Variants in PTPRD observed in about 807,000 individuals in gnomAD.
The protein encoded by PTPRD is receptor-type tyrosine-protein phosphatase delta.
Under a neutral mutation model 214.5 loss-of-function variants are expected in PTPRD, and 34 were observed. The ratio of observed to expected loss-of-function variants is 0.16; its 90% CI spans 0.12 to 0.21. The LOEUF is 0.21. Ranked by LOEUF, PTPRD falls within the 10% of genes least tolerant of loss-of-function variation. The pLI is 1.00. For synonymous variants in PTPRD, 1,128 were observed against 845.7 expected, an observed-to-expected ratio of 1.33 and a Z score of -5.79; for missense variants, 2,545 against 2,398.7, an observed-to-expected ratio of 1.06 and a Z score of -1.27.
At chr9:9,544,888 C>T (rs2078416172) in intron 8 of PTPRD, among the ~76,000 whole-genome samples, 1 of 148,172 alleles carries the variant, frequency 6.7e-6, no homozygotes, top group African/African-American at 2.4e-5. Context: ...TAGCCGATAG[C>T]CCACATTTCT....
intron 35 of PTPRD, among the ~76,000 whole-genome samples, chr9:8,407,246 G>C (rs1198688540): frequency 3.3e-5 from 5 of 152,096 alleles, no homozygotes; most frequent in African/African-American, 9.7e-5. Context: ...TACGTGCTAG[G>C]TCATTATGCT....
Position 8,635,174 on chromosome 9 carries a change from A to AC in PTPRD, c.210+1524dup, listed in dbSNP as rs1564868720. 3.3e-5 allele frequency among the ~76,000 whole-genome samples: 5 copies of AC among 150,524 alleles called. No homozygotes were observed. In the East Asian group the frequency reaches 5.8e-4, roughly 18 times the overall value. ...TGCTTTGGGTAAAAATAATTCATTT[A>AC]CCCCAAAGGTGTTTATATGACTCTC... On this transcript the variant is annotated intron_variant, in intron 13 of 45. Coordinates refer to ENST00000381196, the MANE Select transcript of PTPRD (RefSeq NM_002839.4).
intron 10 of PTPRD, among the ~76,000 whole-genome samples, chr9:9,130,456 G>C (rs1327750586): frequency 1.3e-5 from 2 of 152,058 alleles, no homozygotes; most frequent in Non-Finnish European, 2.9e-5. Context: ...TAATTTAATA[G>C]TCTACAACTT....
chr9:8,605,718 T>C (rs1479535017), intron 14 of PTPRD, among the ~76,000 whole-genome samples: 8 of 152,184 alleles, frequency 5.3e-5, no homozygotes, highest in South Asian at 2.1e-4. Context: ...TCAGTGCACG[T>C]TGGTTCCCTT....
intron 11 of PTPRD, among the ~76,000 whole-genome samples, chr9:8,867,678 A>G (rs2098223022): frequency 6.6e-6 from 1 of 152,254 alleles, no homozygotes; most frequent in South Asian, 2.1e-4. Context: ...TGCTGAAAGC[A>G]ATAATATTTC....
intron 9 of PTPRD, among the ~76,000 whole-genome samples, chr9:9,287,493 T>C (rs1569567078): frequency 6.6e-6 from 1 of 151,884 alleles, no homozygotes. Context: ...CCAGTTATTG[T>C]GGCCACAGAG....
intron 2 of PTPRD, among the ~76,000 whole-genome samples, chr9:10,594,735 T>G (rs888452551): frequency 6.6e-6 from 1 of 152,002 alleles, no homozygotes; most frequent in African/African-American, 2.4e-5. Context: ...TTCTGTCTAA[T>G]GAGGTGTCAC....
At chr9:9,591,122 T>A (rs1563908557) in intron 7 of PTPRD, among the ~76,000 whole-genome samples, 1 of 151,744 alleles carries the variant, frequency 6.6e-6, no homozygotes. Flanking sequence ...ATTGTCTGGG[T>A]AGGCCCATTC....
At chr9:10,201,848 A>T (rs773283096) in intron 3 of PTPRD, among the ~76,000 whole-genome samples, 6 of 152,088 alleles carry the variant, frequency 3.9e-5, no homozygotes, top group Admixed American at 1.3e-4. Flanking sequence ...TGATTTTTGA[A>T]ATAAGAAATC....
chr9:9,481,339 G>C (rs1330328808), intron 8 of PTPRD, among the ~76,000 whole-genome samples: 1 of 152,090 alleles, frequency 6.6e-6, no homozygotes, highest in Non-Finnish European at 1.5e-5. Context: ...GATTAGCCTT[G>C]CTGATCCTTA....
chr9:10,482,762 TGA>T (rs1491274353), intron 2 of PTPRD, among the ~76,000 whole-genome samples: 1 of 151,958 alleles, frequency 6.6e-6, no homozygotes, highest in Non-Finnish European at 1.5e-5. Flanking sequence ...ACCAACTAGG[TGA>T]AAAATCTCCA....
chr9:9,664,707 A>G (rs1026923541), intron 7 of PTPRD, among the ~76,000 whole-genome samples: 1 of 151,716 alleles, frequency 6.6e-6, no homozygotes, highest in African/African-American at 2.4e-5. Context: ...TTAAAGTATT[A>G]TTACTTAAGC....
In PTPRD at chr9:9,576,954, T is replaced by C. The variant is rs117221594; in HGVS notation, c.-286-2173A>G. ...ATGTCCTTTTGTTCTATCTAGAATG[T>C]TTATCTATATTTGAAACTGAATATT... On this transcript the variant is annotated intron_variant, in intron 7 of 45. Transcript: ENST00000381196. Among the ~76,000 whole-genome samples, 1,050 of 152,226 alleles carry C rather than the reference T, an allele frequency of 6.9e-3. 3 individuals carry two copies. The highest frequency in any genetic ancestry group is 0.012 in the Non-Finnish European group (785 of 68,008).
At chr9:8,858,830 TACAC>T (rs2098025573) in intron 11 of PTPRD, among the ~76,000 whole-genome samples, 1 of 67,258 alleles carries the variant, frequency 1.5e-5, no homozygotes, top group African/African-American at 4.5e-5. Flanking sequence ...CACACACACA[TACAC>T]ACACACAGAC....
intron 11 of PTPRD, among the ~76,000 whole-genome samples, chr9:8,972,655 AC>A (rs371865435): frequency 1.3e-3 from 192 of 152,096 alleles, no homozygotes; most frequent in African/African-American, 4.3e-3. Flanking sequence ...TTATAAAAAC[AC>A]TTCACGGATG....
At chr9:8,411,533 A>C (rs2093524853) in intron 35 of PTPRD, among the ~76,000 whole-genome samples, 2 of 152,126 alleles carry the variant, frequency 1.3e-5, no homozygotes, top group South Asian at 4.1e-4. Context: ...CGAACTCATG[A>C]CCTTAAGTGA....
chr9:9,831,333 T>C (rs1279655182), intron 5 of PTPRD, among the ~76,000 whole-genome samples: 1 of 151,946 alleles, frequency 6.6e-6, no homozygotes, highest in East Asian at 1.9e-4. Context: ...GTAACCAAAA[T>C]ACAAAAGCAA....
At chr9:9,085,489 C>A (rs996030575) in intron 10 of PTPRD, among the ~76,000 whole-genome samples, 1 of 152,030 alleles carries the variant, frequency 6.6e-6, no homozygotes, top group Non-Finnish European at 1.5e-5. Context: ...AATAACAGCG[C>A]CTTATTATTT....
chr9:9,759,086 G>A (rs10977955), intron 6 of PTPRD, among the ~76,000 whole-genome samples: 5,843 of 151,962 alleles, frequency 0.038, 549 homozygotes, highest in East Asian at 0.38. Context: ...GATGATTTCC[G>A]TAGTAAAATA....
Sources: gnomAD v4.1 joint callset for allele counts (sites outside exome capture counted in the v4.1 genomes callset) on GRCh38, gnomAD v4.1.1 for gene constraint, MANE v1.5 for transcripts, NCBI Gene and HGNC (gene_info 2026-07-23, HGNC 2026-07-21) for gene names.